The following CCDC40 variants were observed in gnomAD, a reference collection of about 807,000 sequenced individuals.
CCDC40 encodes the protein coiled-coil domain-containing protein 40.
CCDC40 carries 104 observed loss-of-function variants against 124.5 expected under a neutral mutation model. That is an observed-to-expected ratio of 0.84 (90% CI 0.71 to 0.98). CCDC40 has a LOEUF of 0.98. Ranked by LOEUF, CCDC40 falls within the 50% of genes least tolerant of loss-of-function variation. CCDC40 has a pLI of 0.00. For missense variants in CCDC40, 1,463 were observed against 1,503.9 expected, an observed-to-expected ratio of 0.97 and a Z score of 0.45; for synonymous variants, 580 against 602.9, an observed-to-expected ratio of 0.96 and a Z score of 0.56.
rs1301593481 is a variant in CCDC40, at chr17:80,048,681, G to A, written c.775G>A (p.Ala259Thr). Residue 259 changes from alanine (A) to threonine (T), a missense_variant, in exon 5 of 20, where the codon GCA becomes ACA. Transcript: ENST00000397545. ...QQPSTEEGAM[A>T]ERVESEGSDE... ...GCCCAGCACCGAGGAGGGGGCCATG[G>A]CAGAGAGAGTGGAGTCCGAGGGGAG... 2.5e-6 allele frequency: 4 copies of A among 1,614,010 alleles called. No homozygotes were observed. Among genetic ancestry groups the A allele is most frequent in the Non-Finnish European group, 3.4e-6 (4 of 1,180,006 alleles).
At chr17:80,038,293 G>A (rs758302284) in intron 2 of CCDC40, 107 bp downstream of exon 2, 169 of 738,160 alleles carry the variant, frequency 2.3e-4, no homozygotes, top group Non-Finnish European at 3.7e-4. Flanking sequence ...CACTTTGGGA[G>A]GCCAAGGCAG....
At chr17:80,052,250 T>C (rs2037620302) in intron 7 of CCDC40, among the ~76,000 whole-genome samples, 1 of 152,214 alleles carries the variant, frequency 6.6e-6, no homozygotes, top group South Asian at 2.1e-4. Context: ...ATAGGCCGTC[T>C]GCAGGCTGAG....
chr17:80,061,438 GGA>G (rs2037892468), intron 9 of CCDC40, among the ~76,000 whole-genome samples: 1 of 152,162 alleles, frequency 6.6e-6, no homozygotes, highest in Non-Finnish European at 1.5e-5. Context: ...ATGAAGGCGG[GGA>G]GACAGGCAGG....
chr17:80,041,641 T>C (rs2037285917), intron 3 of CCDC40, among the ~76,000 whole-genome samples: 1 of 152,206 alleles, frequency 6.6e-6, no homozygotes, highest in Non-Finnish European at 1.5e-5. Flanking sequence ...AATGTTGCCT[T>C]GAGTGCTCAT....
rs139944903 is a variant in CCDC40 at position 80,042,245 on chromosome 17, A to C, written c.552+1975A>C. On this transcript the variant is annotated intron_variant, in intron 3 of 19. Coordinates refer to ENST00000397545, the MANE Select transcript of CCDC40 (RefSeq NM_017950.4). ...GCAATTCTCCTGCCTCAGCCTCCCA[A>C]GTAGCTGGGACTACAGGCACACACC... Among the ~76,000 whole-genome samples, 3 of 152,002 alleles carry C rather than the reference A, an allele frequency of 2.0e-5. 1 individual carries two copies. In the South Asian group the frequency reaches 6.2e-4, roughly 32 times the overall value.
rs180978819 is a variant in CCDC40, at chr17:80,041,229, C to T, written c.552+959C>T. On this transcript the variant is annotated intron_variant, in intron 3 of 19. Transcript: ENST00000397545. ...AACCATCAAAATCTAGAAATTGGGT[C>T]GGGCATGGTGGTGCACGCCTGTAAT... Among the ~76,000 whole-genome samples, 1,007 of 152,096 alleles carry T rather than the reference C, an allele frequency of 6.6e-3. 2 individuals are homozygous for T. The highest frequency in any genetic ancestry group is 8.7e-3 in the Non-Finnish European group (593 of 67,976).
chr17:80,090,655 C>T, intron 17 of CCDC40: 5 of 1,438,954 alleles, frequency 3.5e-6, no homozygotes, highest in South Asian at 1.5e-5. Flanking sequence ...CCATCTCATC[C>T]TTCACAGCCG....
At chr17:80,061,673 A>G (rs1436658831) in intron 9 of CCDC40, among the ~76,000 whole-genome samples, 1 of 152,218 alleles carries the variant, frequency 6.6e-6, no homozygotes, top group African/African-American at 2.4e-5. Context: ...GTGCGGGGGC[A>G]ACAGCAGGGC....
chr17:80,068,656 C>T (rs2038111309), intron 10 of CCDC40, among the ~76,000 whole-genome samples: 1 of 151,988 alleles, frequency 6.6e-6, no homozygotes, highest in Non-Finnish European at 1.5e-5. Context: ...TTTCTGGAGC[C>T]TTCACCCTGC....
In CCDC40 at chr17:80,058,118, C is replaced by T. The variant is rs940255868; in HGVS notation, c.1160-376C>T. ...TCGTCTCCTCCCAGGGGACTTAAGA[C>T]TCCACCTAAGGTTGCCAGCCTTTCA... is the stretch of plus-strand genomic sequence containing the variant. On this transcript the variant is annotated intron_variant, in intron 7 of 19. Transcript: ENST00000397545. This position sits in a 1 kb window ranked among gnomAD's most constrained non-coding sequence, Gnocchi z 4.2. Among the ~76,000 whole-genome samples, 3 of 152,152 alleles carry T rather than the reference C, an allele frequency of 2.0e-5. No individual in the cohort carries two copies. Among genetic ancestry groups the T allele is most frequent in the South Asian group, 2.1e-4 (1 of 4,830 alleles).
chr17:80,072,984 TTTTGTTTGTTTG>T (rs57139196), intron 10 of CCDC40, among the ~76,000 whole-genome samples: 9 of 148,966 alleles, frequency 6.0e-5, no homozygotes, highest in East Asian at 2.0e-4. Flanking sequence ...GTGGAATCGC[TTTTGTTTGTTTG>T]TTTGTTTGTT....
In CCDC40 at chr17:80,100,318, C is replaced by A. The variant is rs1399246211; in HGVS notation, c.*543C>A. ...GTCCCTTTTCCTGCCCCCATGTCCC[C>A]ATTTGAGTTAAATTCAGATCCACAG... On this transcript the variant is annotated 3_prime_UTR_variant, in exon 20 of 20. Transcript: ENST00000397545. The A allele has an allele frequency of 1.2e-5, 2 of 171,572 alleles. No individual in the cohort carries two copies. The highest frequency in any genetic ancestry group is 4.8e-5 in the African/African-American group (2 of 41,666). 10.6% of individuals were successfully genotyped at this position (171,572 alleles called of 1,614,324 possible).
chr17:80,093,057 A>C (rs1199142057), intron 17 of CCDC40, among the ~76,000 whole-genome samples: 1 of 152,132 alleles, frequency 6.6e-6, no homozygotes, highest in African/African-American at 2.4e-5. Context: ...CCTTGTTGAA[A>C]TCAGCTGACA....
At chr17:80,041,799 C>T (rs1201116945) in intron 3 of CCDC40, among the ~76,000 whole-genome samples, 2 of 152,240 alleles carry the variant, frequency 1.3e-5, no homozygotes, top group African/African-American at 4.8e-5. Flanking sequence ...GTGGGACTAT[C>T]ACGGAAGCGA....
intron 10 of CCDC40, among the ~76,000 whole-genome samples, chr17:80,072,000 C>T (rs952282422): frequency 2.6e-5 from 4 of 151,906 alleles, no homozygotes; most frequent in Non-Finnish European, 5.9e-5. Flanking sequence ...CCACCATGCC[C>T]GGCTGATTTT....
intron 5 of CCDC40, among the ~76,000 whole-genome samples, chr17:80,049,317 A>C (rs2037516514): frequency 6.6e-6 from 1 of 151,824 alleles, no homozygotes. Flanking sequence ...AGGCAGGAGA[A>C]TCGCTTAAAC....
At chr17:80,093,867 A>G (rs1300637195) in intron 17 of CCDC40, among the ~76,000 whole-genome samples, 1 of 152,006 alleles carries the variant, frequency 6.6e-6, no homozygotes, top group Non-Finnish European at 1.5e-5. Context: ...TCGGTTATTA[A>G]CCCCTGTCTT....
chr17:80,087,301 G>A lies in CCDC40; in HGVS notation c.2450-306G>A, dbSNP rs1377493899. 4.4e-6 allele frequency: 2 copies of A among 459,678 alleles called. No homozygotes were observed. The highest frequency in any genetic ancestry group is 4.4e-5 in the East Asian group (1 of 22,644). 28.5% of individuals were successfully genotyped at this position (459,678 alleles called of 1,614,324 possible). A position where few individuals can be genotyped will look rare whatever the true frequency, so the allele number is the denominator to read the frequency against. Reference sequence around the variant, plus strand: ...ACAGATTTGCAAGTGTCTGGGGGAGGGAGCCTGGCCCTCCCACACGCCCTG... The same window carrying A: ...ACAGATTTGCAAGTGTCTGGGGGAGAGAGCCTGGCCCTCCCACACGCCCTG... On this transcript the variant is annotated intron_variant, in intron 14 of 19. Transcript: ENST00000397545. This position sits in a 1 kb window ranked among gnomAD's most constrained non-coding sequence, Gnocchi z 4.5.
intron 3 of CCDC40, among the ~76,000 whole-genome samples, chr17:80,040,974 T>C (rs938509617): frequency 9.2e-5 from 14 of 152,256 alleles, no homozygotes; most frequent in Non-Finnish European, 1.6e-4. Context: ...TAGCCACCTG[T>C]TGCCAGTGGC....
Sources: gnomAD v4.1 joint callset for allele counts (sites outside exome capture counted in the v4.1 genomes callset) on GRCh38, gnomAD v4.1.1 for gene constraint, Gnocchi (gnomAD v3.1) non-coding constraint, MANE v1.5 for transcripts, NCBI Gene and HGNC (gene_info 2026-07-23, HGNC 2026-07-21) for gene names.